The following MARCHF8 variants were observed in gnomAD, a reference collection of about 807,000 sequenced individuals.
The protein encoded by MARCHF8 is E3 ubiquitin-protein ligase MARCHF8.
In MARCHF8, 40 loss-of-function variants were observed where a neutral mutation model predicts 51.6. The ratio of observed to expected loss-of-function variants is 0.77; its 90% CI spans 0.60 to 1.01. The LOEUF (loss-of-function observed/expected upper bound fraction) is 1.01, where lower values mean the gene tolerates loss of function less well. MARCHF8 is among the 50% of genes least tolerant of loss of function. MARCHF8 has a pLI of 0.00. For missense variants in MARCHF8, 685 were observed against 708.6 expected, an observed-to-expected ratio of 0.97 and a Z score of 0.38; for synonymous variants, 263 against 280.3, an observed-to-expected ratio of 0.94 and a Z score of 0.62.
intron 1 of MARCHF8, among the ~76,000 whole-genome samples, chr10:45,544,731 C>T (rs894911156): frequency 6.6e-6 from 1 of 152,118 alleles, no homozygotes; most frequent in Non-Finnish European, 1.5e-5. Context: ...CAAGAGGGAA[C>T]TTTGGGGGCA....
chr10:45,536,762 G>A (rs1357701245), upstream of MARCHF8, among the ~76,000 whole-genome samples: 1 of 151,046 alleles, frequency 6.6e-6, no homozygotes, highest in Non-Finnish European at 1.5e-5. Context: ...TTCGGAGGCT[G>A]AGGTGGGAGG....
At position 45,456,333 on chromosome 10, in the gene MARCHF8, T is replaced by TG. The variant is rs1400652967; in HGVS notation, c.*1905_*1906insC. ...GAGACAGAAAGGAGAGGCTGACCTATTCTCAGGAGCTGGCTATGGCTGGAC... is the reference window on the plus strand; with the variant it reads ...GAGACAGAAAGGAGAGGCTGACCTATGTCTCAGGAGCTGGCTATGGCTGGAC... On this transcript the variant is annotated 3_prime_UTR_variant, in exon 8 of 8. Coordinates refer to ENST00000453424, the MANE Select transcript of MARCHF8 (RefSeq NM_001282866.2). 1.2e-4 allele frequency: 19 copies of TG among 152,448 alleles called. No individual in the cohort carries two copies. Among genetic ancestry groups the TG allele is most frequent in the Non-Finnish European group, 2.2e-4 (15 of 68,306 alleles). The allele number at this position is 152,448 out of a possible 1,614,324, so 9.4% of individuals were successfully genotyped here.
chr10:45,584,676 G>A lies in MARCHF8; in HGVS notation c.-79+9559C>T, dbSNP rs150766057. The stretch of plus-strand genomic sequence containing the variant: ...TTGAGTATAGCTGTGAAAGGACCAC[G>A]GAGATAAAATAGAGTAATCTAGATT... On this transcript the variant is annotated intron_variant, in intron 1 of 6. Coordinates refer to the MARCHF8 transcript ENST00000319836. 1.2e-3 allele frequency among the ~76,000 whole-genome samples: 175 copies of A among 152,126 alleles called. 1 individual carries two copies. The highest frequency in any genetic ancestry group is 4.0e-3 in the African/African-American group (167 of 41,500).
At chr10:45,489,459 T>A (rs1564480957) in intron 2 of MARCHF8, 42 bp from the exon 3 acceptor site, 1 of 1,527,970 alleles carries the variant, frequency 6.5e-7, no homozygotes, top group East Asian at 2.3e-5. Flanking sequence ...AATCTTTGAT[T>A]AAAATATGCA....
chr10:45,574,277 C>G (rs985203479), intron 1 of MARCHF8, among the ~76,000 whole-genome samples: 1 of 152,156 alleles, frequency 6.6e-6, no homozygotes. Flanking sequence ...CCTATAAACT[C>G]TCCTTACAAT....
rs561461611 is a variant in MARCHF8, at chr10:45,510,168, C to A, written c.103-20751G>T. Among the ~76,000 whole-genome samples the A allele has an allele frequency of 1.1e-4, 17 of 152,168 alleles. 1 individual carries two copies. The South Asian group carries it at 3.5e-3, about 32-fold the overall frequency. On this transcript the variant is annotated intron_variant, in intron 2 of 7. Coordinates refer to ENST00000453424, the MANE Select transcript of MARCHF8 (RefSeq NM_001282866.2). ...CTTGTGCACAGAGAGAAGGCCATGT[C>A]AAGACATGGAGAGAAGGCCAGCAAG...
At chr10:45,510,412 T>A (rs2043476085) in intron 2 of MARCHF8, among the ~76,000 whole-genome samples, 1 of 152,152 alleles carries the variant, frequency 6.6e-6, no homozygotes, top group Admixed American at 6.5e-5. Context: ...CAAGTCGTCT[T>A]AAGGAATAAC....
chr10:45,590,796 G>A (rs755971947), intron 1 of MARCHF8, among the ~76,000 whole-genome samples: 45 of 152,214 alleles, frequency 3.0e-4, no homozygotes, highest in Non-Finnish European at 5.6e-4. Flanking sequence ...GGCTAAGGCA[G>A]GCAGATCACT....
At chr10:45,555,876 G>A (rs1589174190) in intron 1 of MARCHF8, among the ~76,000 whole-genome samples, 1 of 152,138 alleles carries the variant, frequency 6.6e-6, no homozygotes. Flanking sequence ...AAGAGAAAGA[G>A]TCACTCATTT....
chr10:45,500,444 G>A (rs1471708114), intron 2 of MARCHF8, among the ~76,000 whole-genome samples: 2 of 152,072 alleles, frequency 1.3e-5, no homozygotes, highest in East Asian at 3.8e-4. Flanking sequence ...TAATTGCTCA[G>A]CTAGGATTTC....
At chr10:45,517,213 G>A (rs73287377) in intron 2 of MARCHF8, among the ~76,000 whole-genome samples, 3,336 of 152,258 alleles carry the variant, frequency 0.022, 126 homozygotes, top group African/African-American at 0.075. Flanking sequence ...GACTATACAC[G>A]TGAACAATTC....
chr10:45,588,337 C>CTA (rs1335841978), intron 1 of MARCHF8, among the ~76,000 whole-genome samples: 1 of 152,110 alleles, frequency 6.6e-6, no homozygotes, highest in Admixed American at 6.5e-5. Flanking sequence ...CATATAGTTC[C>CTA]TACAAGAACG....
In MARCHF8 at chr10:45,463,390, G is replaced by A. The variant is rs775433714; in HGVS notation, c.849C>T (p.Cys283=). The part of the protein sequence containing the change: ...SLHRFHELES[C]AARLHTAKSS... ...ACTTGGCAGTGTGCAGGCGAGCAGC[G>A]CAGCTCTCCAGCTCATGGAACCTGT... is the stretch of plus-strand genomic sequence containing the variant. The change falls in exon 5 of 8, where the codon TGC becomes TGT. Residue 283 remains cysteine, a synonymous_variant. Transcript: ENST00000453424. 2.0e-5 allele frequency: 31 copies of A among 1,550,568 alleles called. No individual in the cohort carries two copies. The highest frequency in any genetic ancestry group is 3.6e-5 in the South Asian group (3 of 84,068).
chr10:45,579,770 T>G (rs1436770530), intron 1 of MARCHF8, among the ~76,000 whole-genome samples: 1 of 151,922 alleles, frequency 6.6e-6, no homozygotes, highest in Non-Finnish European at 1.5e-5. Flanking sequence ...TCCCAGCACT[T>G]TGGGAGGCAG....
intron 1 of MARCHF8, among the ~76,000 whole-genome samples, chr10:45,565,108 A>C (rs978351796): frequency 1.3e-5 from 2 of 152,266 alleles, no homozygotes; most frequent in Non-Finnish European, 2.9e-5. Flanking sequence ...AGCAATAACA[A>C]CACTGTATCA....
At chr10:45,560,914 G>T (rs980003700) in intron 1 of MARCHF8, among the ~76,000 whole-genome samples, 2 of 152,030 alleles carry the variant, frequency 1.3e-5, no homozygotes, top group African/African-American at 4.8e-5. Context: ...AAAAAGCCTC[G>T]TATAAGATAC....
At chr10:45,486,495 C>T (rs967610087) in intron 3 of MARCHF8, among the ~76,000 whole-genome samples, 4 of 152,024 alleles carry the variant, frequency 2.6e-5, no homozygotes, top group African/African-American at 9.7e-5. Context: ...ATCCAGGAGG[C>T]GGAGGTTGCA....
chr10:45,461,038 A>G (rs1842768841), intron 6 of MARCHF8, 193 bp downstream of exon 6: 1 of 428,600 alleles, frequency 2.3e-6, no homozygotes, highest in Non-Finnish European at 4.1e-6. Context: ...ATGGTCAGAA[A>G]GAGCTTCTTC....
At chr10:45,534,575 G>C (rs2043944665) in intron 1 of MARCHF8, among the ~76,000 whole-genome samples, 1 of 152,118 alleles carries the variant, frequency 6.6e-6, no homozygotes, top group Admixed American at 6.5e-5. Context: ...AAATTATCCA[G>C]AAGGTTTAAT....
Sources: allele counts gnomAD v4.1 joint callset (sites outside exome capture counted in the v4.1 genomes callset), GRCh38; gene constraint gnomAD v4.1.1; transcripts MANE v1.5; gene names NCBI Gene and HGNC (gene_info 2026-07-23, HGNC 2026-07-21).